Variants in DNM3 observed in about 807,000 individuals in gnomAD.
DNM3 encodes dynamin 3.
DNM3 carries 47 observed loss-of-function variants against 101.6 expected under a neutral mutation model. That is an observed-to-expected ratio of 0.46 (90% confidence interval 0.37 to 0.59). DNM3 has a LOEUF of 0.59. DNM3 is among the 20% of genes least tolerant of loss of function. The pLI is 0.00. For missense variants in DNM3, 849 were observed against 1,085.7 expected (o/e 0.78, Z 3.06); for synonymous variants, 385 against 387.9 (o/e 0.99, Z 0.09).
chr1:172,233,669 A>G (rs369218264), intron 14 of DNM3, among the ~76,000 whole-genome samples: 4 of 151,808 alleles, frequency 2.6e-5, no homozygotes, highest in East Asian at 1.9e-4. Context: ...GAATCCAGCA[A>G]CACATCAAAA....
At chr1:172,233,551 T>A (rs1248276957) in intron 14 of DNM3, among the ~76,000 whole-genome samples, 1 of 152,184 alleles carries the variant, frequency 6.6e-6, no homozygotes, top group Non-Finnish European at 1.5e-5. Context: ...GAGTCCAGCA[T>A]CATCCTGATA....
Position 172,358,374 on chromosome 1 carries a change from TGG to T in DNM3, c.1894-20642_1894-20641del, listed in dbSNP as rs2067559184. ...CTGAATAAGGTATGTCAAACACCAG[TGG>T]GAAGAAAGAAGAGCGGGTTATTTTG... On this transcript the variant is annotated intron_variant, in intron 17 of 20. Coordinates refer to ENST00000627582, the MANE Select transcript of DNM3 (RefSeq NM_015569.5). Among the ~76,000 whole-genome samples the T allele has an allele frequency of 2.0e-5, 3 of 152,098 alleles. No individual in the cohort carries two copies. The South Asian group carries it at 6.2e-4, about 32-fold the overall frequency.
At chr1:172,233,085 C>T (rs1334160863) in intron 14 of DNM3, among the ~76,000 whole-genome samples, 1 of 152,114 alleles carries the variant, frequency 6.6e-6, no homozygotes, top group African/African-American at 2.4e-5. Flanking sequence ...TTCAAAAAAT[C>T]AGTGAATCCA....
chr1:172,317,944 T>C (rs2065476557), intron 16 of DNM3, among the ~76,000 whole-genome samples: 1 of 152,178 alleles, frequency 6.6e-6, no homozygotes, highest in African/African-American at 2.4e-5. Flanking sequence ...AAAAAGAGAA[T>C]TTTAGACCAA....
At chr1:172,147,145 A>G (rs1169593473) in intron 14 of DNM3, among the ~76,000 whole-genome samples, 1 of 152,098 alleles carries the variant, frequency 6.6e-6, no homozygotes, top group East Asian at 1.9e-4. Context: ...CTCACCTGCT[A>G]GTCACAATAC....
intron 13 of DNM3, among the ~76,000 whole-genome samples, chr1:172,120,941 TA>T (rs958677560): frequency 1.3e-5 from 2 of 152,216 alleles, no homozygotes; most frequent in African/African-American, 4.8e-5. Context: ...AACTTTCTAT[TA>T]AATCGTTAAT....
chr1:172,271,452 T>A (rs2063082424), intron 15 of DNM3, among the ~76,000 whole-genome samples: 1 of 152,124 alleles, frequency 6.6e-6, no homozygotes, highest in Non-Finnish European at 1.5e-5. Flanking sequence ...GTTTTGCAAA[T>A]CTTCTTAATG....
intron 4 of DNM3, among the ~76,000 whole-genome samples, chr1:172,031,201 C>G (rs957615066): frequency 8.5e-5 from 13 of 152,162 alleles, no homozygotes; most frequent in Admixed American, 8.5e-4. Flanking sequence ...TACATACACA[C>G]CATGGAATAC....
chr1:172,341,755 T>A (rs1315775284), intron 17 of DNM3, among the ~76,000 whole-genome samples: 1 of 151,570 alleles, frequency 6.6e-6, no homozygotes, highest in Non-Finnish European at 1.5e-5. Context: ...GACCTAAATG[T>A]AAAATCTATA....
intron 12 of DNM3, among the ~76,000 whole-genome samples, chr1:172,085,817 AGTTT>A (rs1250372077): frequency 6.6e-6 from 1 of 152,110 alleles, no homozygotes; most frequent in Non-Finnish European, 1.5e-5. Flanking sequence ...TTACATTCTT[AGTTT>A]ATTTTTCCCT....
At chr1:172,212,306 C>G (rs1161814309) in intron 14 of DNM3, among the ~76,000 whole-genome samples, 1 of 152,126 alleles carries the variant, frequency 6.6e-6, no homozygotes, top group Non-Finnish European at 1.5e-5. Flanking sequence ...CACACCTCAG[C>G]TAGACACTGA....
chr1:172,202,751 T>C (rs548890479), intron 14 of DNM3, among the ~76,000 whole-genome samples: 4 of 152,294 alleles, frequency 2.6e-5, no homozygotes, highest in African/African-American at 7.2e-5. Flanking sequence ...ATTTATATTA[T>C]AGATTTTACA....
At chr1:172,280,041 G>A (rs1198559336) in intron 15 of DNM3, among the ~76,000 whole-genome samples, 1 of 152,076 alleles carries the variant, frequency 6.6e-6, no homozygotes, top group Non-Finnish European at 1.5e-5. Flanking sequence ...TCATTTCTGA[G>A]TCTCCGCATT....
At chr1:171,853,552 G>A (rs1319196638) in intron 1 of DNM3, among the ~76,000 whole-genome samples, 1 of 152,056 alleles carries the variant, frequency 6.6e-6, no homozygotes, top group East Asian at 1.9e-4. Context: ...TACTAGTCTA[G>A]AAACTTAAAA....
chr1:171,851,847 G>A (rs1449332852), intron 1 of DNM3, among the ~76,000 whole-genome samples: 1 of 152,208 alleles, frequency 6.6e-6, no homozygotes, highest in Non-Finnish European at 1.5e-5. Flanking sequence ...CTTTGTGAAA[G>A]TTTTGTATTA....
At chr1:172,236,626 GGAA>G (rs2061555983) in intron 14 of DNM3, among the ~76,000 whole-genome samples, 1 of 151,884 alleles carries the variant, frequency 6.6e-6, no homozygotes, top group South Asian at 2.1e-4. Context: ...GAAAAGGAGG[GGAA>G]GAAGAAGGGG....
At chr1:172,183,782 T>C (rs1192550316) in intron 14 of DNM3, among the ~76,000 whole-genome samples, 4 of 142,540 alleles carry the variant, frequency 2.8e-5, no homozygotes, top group Non-Finnish European at 6.1e-5. Flanking sequence ...TTTTTTTTTT[T>C]TTTTTTTTTT....
intron 10 of DNM3, among the ~76,000 whole-genome samples, chr1:172,068,443 G>A (rs539381112): frequency 9.8e-4 from 149 of 152,296 alleles, no homozygotes; most frequent in African/African-American, 2.5e-3. Flanking sequence ...CGCCTGACAC[G>A]TGGTAGACAC....
intron 16 of DNM3, chr1:172,310,769 G>A (rs2421994): frequency 0.19 from 28,373 of 152,238 alleles, 2,759 homozygotes; most frequent in East Asian, 0.25. Flanking sequence ...ACCAGGTGAT[G>A]TAGGCCTTGA....
Sources: gnomAD v4.1 joint callset for allele counts (sites outside exome capture counted in the v4.1 genomes callset) on GRCh38, gnomAD v4.1.1 for gene constraint, MANE v1.5 for transcripts, NCBI Gene and HGNC (gene_info 2026-07-23, HGNC 2026-07-21) for gene names.